Variants in YWHAZ observed in about 807,000 individuals in gnomAD.
YWHAZ encodes the protein 14-3-3 protein zeta/delta.
For synonymous variants in YWHAZ, 87 were observed against 103.6 expected (o/e 0.84, Z 0.97); for missense variants, 79 against 284.8 (o/e 0.28, Z 5.20).
chr8:100,925,765 GT>G (rs1287127449), intron 2 of YWHAZ, among the ~76,000 whole-genome samples: 1 of 152,120 alleles, frequency 6.6e-6, no homozygotes, highest in Non-Finnish European at 1.5e-5. Context: ...TACAATCTGA[GT>G]CATTTGATTA....
upstream of YWHAZ, chr8:100,952,161 T>C (rs573905240): frequency 1.0e-3 from 984 of 985,232 alleles, 1 homozygote; most frequent in Non-Finnish European, 1.1e-3. Context: ...CCCACAGCGA[T>C]CGGGGCCCCG....
chr8:100,948,946 T>G lies in YWHAZ; in HGVS notation c.-11-46A>C, dbSNP rs57321095. On this transcript the variant is annotated intron_variant, in intron 1 of 5. Coordinates refer to ENST00000395958, the MANE Select transcript of YWHAZ (RefSeq NM_145690.3). The surrounding 1 kb of genome is among the most constrained non-coding windows in gnomAD (Gnocchi z 4.2). ...GTATTTAAAATTTTTCCCATCAAAATAAACAGACTCAAAATTATACCTGTG... is the reference window on the plus strand; with the variant it reads ...GTATTTAAAATTTTTCCCATCAAAAGAAACAGACTCAAAATTATACCTGTG... The G allele has an allele frequency of 1.9e-4, 290 of 1,527,418 alleles. 1 individual carries two copies. The African/African-American group carries it at 3.7e-3, about 20-fold the overall frequency. 94.6% of individuals were successfully genotyped at this position (1,527,418 alleles called of 1,614,324 possible).
rs1261622855 is a variant in YWHAZ at position 100,922,265 on chromosome 8, ATTTCT to A, written c.679-1518_679-1514del. On this transcript the variant is annotated intron_variant, in intron 5 of 5. Coordinates refer to ENST00000395958, the MANE Select transcript of YWHAZ (RefSeq NM_145690.3). This position sits in a 1 kb window ranked among gnomAD's most constrained non-coding sequence, Gnocchi z 4.1. ...GAATGAAATATTAAGTTTTGGGATA[ATTTCT>A]TTTCTTGACAGATAAATGTTCCAAT... 1.3e-5 allele frequency among the ~76,000 whole-genome samples: 2 copies of A among 152,198 alleles called. No individual in the cohort carries two copies. Among genetic ancestry groups the A allele is most frequent in the Non-Finnish European group, 2.9e-5 (2 of 68,038 alleles).
At chr8:100,937,575 G>C (rs1299699724) in intron 2 of YWHAZ, among the ~76,000 whole-genome samples, 5 of 152,102 alleles carry the variant, frequency 3.3e-5, no homozygotes, top group Non-Finnish European at 7.4e-5. Context: ...GAATACAGCT[G>C]GGCTAACTTT....
intron 2 of YWHAZ, among the ~76,000 whole-genome samples, chr8:100,925,879 T>C (rs1018514095): frequency 2.0e-5 from 3 of 152,168 alleles, no homozygotes; most frequent in African/African-American, 7.2e-5. Context: ...TTTTTTTCTT[T>C]CCAGTTAAGG....
intron 2 of YWHAZ, among the ~76,000 whole-genome samples, chr8:100,937,457 G>A (rs1033289820): frequency 3.3e-5 from 5 of 151,930 alleles, no homozygotes; most frequent in African/African-American, 7.3e-5. Flanking sequence ...AATTTAATTC[G>A]CACAAAGATA....
upstream of YWHAZ, chr8:100,952,576 C>G (rs950707021): frequency 2.1e-4 from 37 of 176,162 alleles, no homozygotes; most frequent in Admixed American, 7.2e-4. Flanking sequence ...CACCCCTCCC[C>G]GAGGCCCGGC....
rs945010086 is a variant in YWHAZ, at chr8:100,948,325, T to C, written c.294+271A>G. Among the ~76,000 whole-genome samples, 1 of 151,752 alleles carries C rather than the reference T, an allele frequency of 6.6e-6. No individual in the cohort carries two copies. Among genetic ancestry groups the C allele is most frequent in the Non-Finnish European group, 1.5e-5 (1 of 67,654 alleles). On this transcript the variant is annotated intron_variant, in intron 2 of 5. Coordinates refer to ENST00000395958, the MANE Select transcript of YWHAZ (RefSeq NM_145690.3). This position sits in a 1 kb window ranked among gnomAD's most constrained non-coding sequence, Gnocchi z 4.2. ...ATAAGTAAAACAGTAACACAATTAG[T>C]TTATATTTTCAATTAATATAAAATA...
chr8:100,916,874 A>C lies in YWHAZ; in HGVS notation c.*3819T>G, dbSNP rs924555822. 2.0e-5 allele frequency: 3 copies of C among 149,168 alleles called. No homozygotes were observed. The highest frequency in any genetic ancestry group is 4.5e-5 in the Non-Finnish European group (3 of 66,780). The allele number at this position is 149,168 out of a possible 1,614,324, so 9.2% of individuals were successfully genotyped here. The stretch of plus-strand genomic sequence containing the variant: ...GACTGTGACTACTACCAGTCACATA[A>C]AAGTATTTAATTAGTTTCACACTTA... On this transcript the variant is annotated 3_prime_UTR_variant, in exon 6 of 6. Coordinates refer to ENST00000395958, the MANE Select transcript of YWHAZ (RefSeq NM_145690.3).
intron 2 of YWHAZ, among the ~76,000 whole-genome samples, chr8:100,943,319 A>C (rs1046901255): frequency 5.3e-5 from 8 of 152,224 alleles, no homozygotes; most frequent in African/African-American, 1.9e-4. Flanking sequence ...GAATTCTACA[A>C]AAAATTCTAA....
Position 100,920,759 on chromosome 8 carries a change from AAAG to A in YWHAZ, c.679-10_679-8del, listed in dbSNP as rs1384698629. ...GGGTATCCGATGTCCACAACTGGTAAAAGAAGGAAAGATTTTTCAGCAAGTTTC... is the reference window on the plus strand; with the variant it reads ...GGGTATCCGATGTCCACAACTGGTAAAAGGAAAGATTTTTCAGCAAGTTTC... On this transcript the variant is annotated splice_region_variant and splice_polypyrimidine_tract_variant and intron_variant, in intron 5 of 5. Coordinates refer to ENST00000395958, the MANE Select transcript of YWHAZ (RefSeq NM_145690.3). 1 of 1,413,708 alleles carries A rather than the reference AAAG, an allele frequency of 7.1e-7. No individual in the cohort carries two copies. Among genetic ancestry groups the A allele is most frequent in the Admixed American group, 1.9e-5 (1 of 52,204 alleles). 87.6% of individuals were successfully genotyped at this position (1,413,708 alleles called of 1,614,324 possible).
chr8:100,940,062 CAA>C lies in YWHAZ; in HGVS notation c.294+8532_294+8533del, dbSNP rs33984830. Among the ~76,000 whole-genome samples, 11 of 98,998 alleles carry C rather than the reference CAA, an allele frequency of 1.1e-4. No homozygotes were observed. In the East Asian group the frequency reaches 1.8e-3, roughly 16 times the overall value. The allele number at this position is 98,998 out of a possible 152,430, so 64.9% of individuals were successfully genotyped here. A position where few individuals can be genotyped will look rare whatever the true frequency, so the allele number is the denominator to read the frequency against. ...TGGGGGACAGAGCGAGACTCCGTCT[CAA>C]AAAAAAAAAAAAAAAGTGAAACACT... On this transcript the variant is annotated intron_variant, in intron 2 of 5. Transcript: ENST00000395958.
chr8:100,947,210 C>T (rs867738685), intron 2 of YWHAZ, among the ~76,000 whole-genome samples: 25 of 149,216 alleles, frequency 1.7e-4, no homozygotes, highest in Middle Eastern at 3.4e-3. Flanking sequence ...GCCGAGATCG[C>T]GCCACTGCAC....
chr8:100,920,866 A>C, intron 5 of YWHAZ, 114 bp from the exon 6 acceptor site: 1 of 865,924 alleles, frequency 1.2e-6, no homozygotes, highest in Non-Finnish European at 1.9e-6. Flanking sequence ...ATTCTTAAAA[A>C]GATAGCAGCA....
intron 2 of YWHAZ, among the ~76,000 whole-genome samples, chr8:100,934,115 T>C (rs1014857598): frequency 3.4e-4 from 40 of 118,690 alleles, no homozygotes; most frequent in Non-Finnish European, 1.6e-4. Context: ...GCTGAGATCG[T>C]GCCAAAGCAC....
intron 2 of YWHAZ, among the ~76,000 whole-genome samples, chr8:100,944,168 T>C (rs958957109): frequency 6.6e-6 from 1 of 152,162 alleles, no homozygotes; most frequent in South Asian, 2.1e-4. Flanking sequence ...ACAGAGTTCT[T>C]TGGAGAAGCC....
intron 2 of YWHAZ, among the ~76,000 whole-genome samples, chr8:100,938,566 T>C (rs898576891): frequency 4.6e-5 from 7 of 152,242 alleles, no homozygotes; most frequent in African/African-American, 1.7e-4. Flanking sequence ...CTCTTCAGCA[T>C]AGTGTAGTTC....
upstream of YWHAZ, chr8:100,953,064 G>A (rs940715404): frequency 6.0e-6 from 6 of 997,538 alleles, no homozygotes; most frequent in Middle Eastern, 5.2e-4. Context: ...AGGCCTGGAA[G>A]GAGGCGCGGC....
rs1175943229 is a variant in YWHAZ, at chr8:100,923,969, T to G, written c.664A>C (p.Arg222=). 6.2e-7 allele frequency: 1 copy of G among 1,612,036 alleles called. No homozygotes were observed. Among genetic ancestry groups the G allele is most frequent in the Non-Finnish European group, 8.5e-7 (1 of 1,179,408 alleles). ...KDSTLIMQLL[R]DNLTLWTSDT... ...TATGTACTTACTGTCAAGTTGTCTC[T>G]CAGTAATTGCATTATTAGCGTGCTG... The change falls in exon 5 of 6, where the codon AGA becomes CGA. Residue 222 remains arginine, a synonymous_variant. Coordinates refer to ENST00000395958, the MANE Select transcript of YWHAZ (RefSeq NM_145690.3).
Sources: allele counts gnomAD v4.1 joint callset (sites outside exome capture counted in the v4.1 genomes callset), GRCh38; gene constraint gnomAD v4.1.1; non-coding constraint Gnocchi (gnomAD v3.1); transcripts MANE v1.5; gene names NCBI Gene and HGNC (gene_info 2026-07-23, HGNC 2026-07-21).